Variants in STMN3 observed in about 807,000 individuals in gnomAD.
STMN3 encodes the protein stathmin-3.
Under a neutral mutation model 23.2 loss-of-function variants are expected in STMN3, and 24 were observed. The ratio of observed to expected loss-of-function variants is 1.03; its 90% confidence interval spans 0.75 to 1.45. The LOEUF is 1.45. STMN3 is among the 40% of genes most tolerant of loss of function. The pLI, the probability that STMN3 is intolerant of heterozygous loss-of-function variation, is 0.00. For missense variants in STMN3, 235 were observed against 237.6 expected, an observed-to-expected ratio of 0.99 and a Z score of 0.07; for synonymous variants, 117 against 103.4, an observed-to-expected ratio of 1.13 and a Z score of -0.80.
chr20:63,649,805 C>T (rs1450287939), intron 1 of STMN3, among the ~76,000 whole-genome samples: 2 of 149,064 alleles, frequency 1.3e-5, no homozygotes, highest in Admixed American at 6.7e-5. Flanking sequence ...GCTGGGATTA[C>T]AGGTGTGAGC....
chr20:63,652,730 G>A lies in STMN3; in HGVS notation c.19+597C>T. ...TTTCTGGCCAGAGCAGGTGGCGCGG[G>A]CGTCGCAAAGGGTGGTCCCCGAGGC... On this transcript the variant is annotated intron_variant, in intron 1 of 4. Coordinates refer to ENST00000370053, the MANE Select transcript of STMN3 (RefSeq NM_015894.4). This position sits in a 1 kb window ranked among gnomAD's most constrained non-coding sequence, Gnocchi z 5.3. The A allele has an allele frequency of 1.0e-6, 1 of 985,926 alleles. No individual in the cohort carries two copies. The highest frequency in any genetic ancestry group is 1.2e-6 in the Non-Finnish European group (1 of 830,366). The allele number at this position is 985,926 out of a possible 1,614,324, so 61.1% of individuals were successfully genotyped here.
At chr20:63,643,987 C>G in intron 2 of STMN3, 56 bp from the exon 3 acceptor site, 2 of 1,574,910 alleles carry the variant, frequency 1.3e-6, no homozygotes, top group Non-Finnish European at 8.6e-7. Flanking sequence ...ATGGCGTGGG[C>G]TGAGCGGGAT....
intron 1 of STMN3, among the ~76,000 whole-genome samples, chr20:63,650,141 G>A (rs1439495675): frequency 6.7e-6 from 1 of 149,454 alleles, no homozygotes; most frequent in Non-Finnish European, 1.5e-5. Flanking sequence ...CGCAGTGCTG[G>A]GATTACAGGC....
chr20:63,649,623 C>A (rs1307005945), intron 1 of STMN3, among the ~76,000 whole-genome samples: 2 of 152,028 alleles, frequency 1.3e-5, no homozygotes, highest in African/African-American at 2.4e-5. Context: ...CTCCGCCTCC[C>A]GGATTCACGC....
rs1323553384 is a variant in STMN3 at position 63,644,388 on chromosome 20, C to A, written c.20-79G>T. 2.8e-5 allele frequency: 31 copies of A among 1,091,378 alleles called. No homozygotes were observed. The East Asian group carries it at 7.6e-4, about 27-fold the overall frequency. 67.6% of individuals were successfully genotyped at this position (1,091,378 alleles called of 1,614,324 possible). On this transcript the variant is annotated intron_variant, in intron 1 of 4. Coordinates refer to ENST00000370053, the MANE Select transcript of STMN3 (RefSeq NM_015894.4). Reference sequence around the variant, plus strand: ...CCCCCGTTTTCCCTCCCCATGGCTGCCTCTATCATGTCTCTGTGAGACACG... The same window carrying A: ...CCCCCGTTTTCCCTCCCCATGGCTGACTCTATCATGTCTCTGTGAGACACG...
At position 63,640,288 on chromosome 20, in the gene STMN3, C is replaced by T. The variant is rs1263883843; in HGVS notation, c.*1050G>A. Reference sequence around the variant, plus strand: ...TCCAAGGGAAAGAAGGAACTCAGCCCAGAGGGTGTGGGCAGGAGAGGCCTG... The same window carrying T: ...TCCAAGGGAAAGAAGGAACTCAGCCTAGAGGGTGTGGGCAGGAGAGGCCTG... On this transcript the variant is annotated 3_prime_UTR_variant, in exon 5 of 5. Coordinates refer to ENST00000370053, the MANE Select transcript of STMN3 (RefSeq NM_015894.4). 2.0e-5 allele frequency: 3 copies of T among 152,674 alleles called. No homozygotes were observed. The highest frequency in any genetic ancestry group is 4.4e-5 in the Non-Finnish European group (3 of 68,090). The allele number at this position is 152,674 out of a possible 1,614,324, so 9.5% of individuals were successfully genotyped here. A position where few individuals can be genotyped will look rare whatever the true frequency, so the allele number is the denominator to read the frequency against.
intron 1 of STMN3, among the ~76,000 whole-genome samples, chr20:63,647,960 G>GTGTATACA (rs1424237875): frequency 1.9e-5 from 1 of 53,360 alleles, no homozygotes; most frequent in Non-Finnish European, 3.3e-5. Flanking sequence ...ATATATATAT[G>GTGTATACA]TATATATATA....
intron 1 of STMN3, among the ~76,000 whole-genome samples, chr20:63,649,995 T>A (rs1312224421): frequency 1.3e-5 from 2 of 152,036 alleles, no homozygotes; most frequent in East Asian, 3.9e-4. Context: ...CCCAGCTAAT[T>A]TTCTGTATTT....
At position 63,653,373 on chromosome 20, in the gene STMN3, G is replaced by T; in HGVS notation, c.-28C>A. The T allele has an allele frequency of 6.5e-7, 1 of 1,541,406 alleles. No individual in the cohort carries two copies. The highest frequency in any genetic ancestry group is 8.7e-7 in the Non-Finnish European group (1 of 1,143,938). On this transcript the variant is annotated 5_prime_UTR_variant, in exon 1 of 5. Coordinates refer to ENST00000370053, the MANE Select transcript of STMN3 (RefSeq NM_015894.4). ...TGCTGGCGGCGGTTGGGCCTGCGGA[G>T]GCTGGAGAGGCGCAAGTGGCGGCCG... is the stretch of plus-strand genomic sequence containing the variant.
At chr20:63,643,137 C>G (rs1285189783) in intron 3 of STMN3, among the ~76,000 whole-genome samples, 2 of 152,168 alleles carry the variant, frequency 1.3e-5, no homozygotes, top group East Asian at 3.9e-4. Flanking sequence ...ATGCCCCACC[C>G]GACGTCCCCA....
rs1160527585 is a variant in STMN3, at chr20:63,644,258, C to G, written c.71G>C (p.Cys24Ser). Residue 24 changes from cysteine (C) to serine (S), a missense_variant, in exon 2 of 5, where the codon TGC becomes TCC. Transcript: ENST00000370053. ...ELSVLSLICS[C>S]FYTQPHPNTV... ...ATTGGGGTGCGGCTGTGTGTAGAAG[C>G]AGGAGCAGATGAGCGACAGCACCGA... 6.2e-7 allele frequency: 1 copy of G among 1,613,774 alleles called. No individual in the cohort carries two copies.
At chr20:63,648,019 C>A (rs1326087750) in intron 1 of STMN3, among the ~76,000 whole-genome samples, 4 of 128,464 alleles carry the variant, frequency 3.1e-5, no homozygotes, top group African/African-American at 9.0e-5. Flanking sequence ...AGTGATAGGT[C>A]TTGCTGTCTT....
chr20:63,647,744 T>C (rs1474166434), intron 1 of STMN3, among the ~76,000 whole-genome samples: 1 of 120,380 alleles, frequency 8.3e-6, no homozygotes, highest in African/African-American at 3.1e-5. Context: ...TATATACACG[T>C]GTATATATAT....
chr20:63,642,049 C>T, intron 4 of STMN3, 59 bp downstream of exon 4: 1 of 1,051,666 alleles, frequency 9.5e-7, no homozygotes, highest in South Asian at 3.3e-5. Flanking sequence ...CCGAGCTTCG[C>T]CCCGGCCCCG....
At chr20:63,648,996 C>A (rs1330783062) in intron 1 of STMN3, among the ~76,000 whole-genome samples, 1 of 152,068 alleles carries the variant, frequency 6.6e-6, no homozygotes, top group Non-Finnish European at 1.5e-5. Flanking sequence ...GCAGGTCAGA[C>A]CTCTCACAGG....
At chr20:63,647,975 T>TAC (rs1569070365) in intron 1 of STMN3, among the ~76,000 whole-genome samples, 1 of 77,622 alleles carries the variant, frequency 1.3e-5, no homozygotes, top group African/African-American at 5.7e-5. Context: ...TATATATATA[T>TAC]ATATACATAT....
At position 63,652,786 on chromosome 20, in the gene STMN3, C is replaced by T. The variant is rs2089870843; in HGVS notation, c.19+541G>A. ...CGGTGTGGGGGGAGGGCGCGGTCCC[C>T]CTCACTCCGGGCTCCGCCGTGTCTG... On this transcript the variant is annotated intron_variant, in intron 1 of 4. Coordinates refer to ENST00000370053, the MANE Select transcript of STMN3 (RefSeq NM_015894.4). This position sits in a 1 kb window ranked among gnomAD's most constrained non-coding sequence, Gnocchi z 5.3. 1.0e-6 allele frequency: 1 copy of T among 985,606 alleles called. No homozygotes were observed. Among genetic ancestry groups the T allele is most frequent in the Non-Finnish European group, 1.2e-6 (1 of 830,196 alleles). 61.1% of individuals were successfully genotyped at this position (985,606 alleles called of 1,614,324 possible). A position where few individuals can be genotyped will look rare whatever the true frequency, so the allele number is the denominator to read the frequency against.
At chr20:63,647,929 C>A (rs151130375) in intron 1 of STMN3, among the ~76,000 whole-genome samples, 5 of 48,270 alleles carry the variant, frequency 1.0e-4, no homozygotes, top group Admixed American at 2.2e-4. Context: ...AATATATATA[C>A]GTATATATGT....
In STMN3 at chr20:63,647,717, T is replaced by C. The variant is rs937368625; in HGVS notation, c.20-3408A>G. Among the ~76,000 whole-genome samples the C allele has an allele frequency of 1.8e-4, 23 of 130,946 alleles. 1 individual carries two copies. The highest frequency in any genetic ancestry group is 6.4e-4 in the African/African-American group (23 of 36,190). 85.9% of individuals were successfully genotyped at this position (130,946 alleles called of 152,430 possible). On this transcript the variant is annotated intron_variant, in intron 1 of 4. Coordinates refer to ENST00000370053, the MANE Select transcript of STMN3 (RefSeq NM_015894.4). ...TATATATAATATATATACACGTGTA[T>C]ATATATTATATACATATATATACAC...
Sources: allele counts gnomAD v4.1 joint callset (sites outside exome capture counted in the v4.1 genomes callset), GRCh38; gene constraint gnomAD v4.1.1; non-coding constraint Gnocchi (gnomAD v3.1); transcripts MANE v1.5; gene names NCBI Gene and HGNC (gene_info 2026-07-23, HGNC 2026-07-21).